RSPH6A: variants seen among roughly 807,000 people sequenced by gnomAD.
RSPH6A encodes radial spoke head 6 homolog A, also known as radial spoke head protein 6 homolog A.
Under a neutral mutation model 66.1 loss-of-function variants are expected in RSPH6A, and 49 were observed. The ratio of observed to expected loss-of-function variants is 0.74; its 90% CI spans 0.59 to 0.94. The LOEUF (loss-of-function observed/expected upper bound fraction) is 0.94, where lower values mean the gene tolerates loss of function less well. RSPH6A is among the 40% of genes least tolerant of loss of function. The probability of loss-of-function intolerance (pLI) is 0.00; values close to 1 mark genes in which losing one functional copy is unlikely to be tolerated. For missense variants in RSPH6A, 977 were observed against 948.3 expected, an observed-to-expected ratio of 1.03 and a Z score of -0.40; for synonymous variants, 419 against 402.4, an observed-to-expected ratio of 1.04 and a Z score of -0.49.
intron 2 of RSPH6A, among the ~76,000 whole-genome samples, chr19:45,808,253 C>T (rs1310806484): frequency 6.6e-6 from 1 of 152,188 alleles, no homozygotes; most frequent in Non-Finnish European, 1.5e-5. Context: ...GTGGCAAAAT[C>T]CTGTCTCTAC....
Position 45,815,238 on chromosome 19 carries a change from G to A in RSPH6A, c.-62C>T, listed in dbSNP as rs1415479753. ...TTGCAGACAAGGAGGCCAAGCGAGAGCCACCTGTCGACACCGCCGGTTTCT... is the reference window on the plus strand; with the variant it reads ...TTGCAGACAAGGAGGCCAAGCGAGAACCACCTGTCGACACCGCCGGTTTCT... On this transcript the variant is annotated 5_prime_UTR_variant, in exon 1 of 6. Transcript: ENST00000221538. 26 of 1,450,324 alleles carry A rather than the reference G, an allele frequency of 1.8e-5. No homozygotes were observed. The highest frequency in any genetic ancestry group is 9.1e-6 in the Non-Finnish European group (10 of 1,099,944). The allele number at this position is 1,450,324 out of a possible 1,614,324, so 89.8% of individuals were successfully genotyped here.
At chr19:45,801,105 C>T (rs1456392600) in intron 4 of RSPH6A, among the ~76,000 whole-genome samples, 1 of 152,164 alleles carries the variant, frequency 6.6e-6, no homozygotes, top group African/African-American at 2.4e-5. Flanking sequence ...GCCTGGACCA[C>T]TCTTTCTCTA....
In RSPH6A at chr19:45,796,059, T is replaced by A. The variant is rs372396438; in HGVS notation, c.1964A>T (p.Glu655Val). 4 of 1,611,464 alleles carry A rather than the reference T, an allele frequency of 2.5e-6. No homozygotes were observed. The highest frequency in any genetic ancestry group is 3.4e-6 in the Non-Finnish European group (4 of 1,178,216). Residue 655 changes from glutamate to valine, a missense_variant, in exon 6 of 6, where the codon GAG (glutamate) becomes GTG (valine). Coordinates refer to ENST00000221538, the MANE Select transcript of RSPH6A (RefSeq NM_030785.4). ...GGCTGGCAGGGCCGGGTTGAAGCTC[T>A]CGGGGCTGTACTTGTGACCCCAGCC... ...YIGWGHKYSPESFNPALPAPI... is the reference protein window; with the variant it reads ...YIGWGHKYSPVSFNPALPAPI...
chr19:45,808,638 G>A (rs991829831), intron 2 of RSPH6A, among the ~76,000 whole-genome samples: 1 of 148,484 alleles, frequency 6.7e-6, no homozygotes, highest in African/African-American at 2.5e-5. Context: ...TTATAGATGT[G>A]AGAATAGTCA....
chr19:45,799,195 A>C (rs912758700), intron 5 of RSPH6A, among the ~76,000 whole-genome samples: 2 of 152,194 alleles, frequency 1.3e-5, no homozygotes, highest in Non-Finnish European at 2.9e-5. Flanking sequence ...TCTAGGAAAA[A>C]TCATCATGCC....
chr19:45,804,947 AGCTCAG>A lies in RSPH6A; in HGVS notation c.952_957del (p.Leu318_Ser319del), dbSNP rs1219902726. ...AGGAAAATGCGGAAGCTCTCGTCCGAGCTCAGGCCGACGCCGGCCTGCTCGAAGTAG... is the reference window on the plus strand; with the variant it reads ...AGGAAAATGCGGAAGCTCTCGTCCGAGCCGACGCCGGCCTGCTCGAAGTAG... On this transcript the variant is annotated inframe_deletion, in exon 3 of 6. Coordinates refer to ENST00000221538, the MANE Select transcript of RSPH6A (RefSeq NM_030785.4). The surrounding 1 kb of genome is among the most constrained non-coding windows in gnomAD (Gnocchi z 5.8). The A allele has an allele frequency of 1.9e-6, 3 of 1,614,096 alleles. No homozygotes were observed. The highest frequency in any genetic ancestry group is 2.5e-6 in the Non-Finnish European group (3 of 1,180,032).
At chr19:45,806,715 C>T (rs750187101) in intron 2 of RSPH6A, among the ~76,000 whole-genome samples, 3 of 133,354 alleles carry the variant, frequency 2.2e-5, no homozygotes, top group South Asian at 2.4e-4. Flanking sequence ...AAAAGGAGGC[C>T]GGCCAAGTTT....
At chr19:45,806,291 G>T (rs1335635713) in intron 2 of RSPH6A, among the ~76,000 whole-genome samples, 1 of 151,842 alleles carries the variant, frequency 6.6e-6, no homozygotes, top group Non-Finnish European at 1.5e-5. Flanking sequence ...GGAGGAGGAG[G>T]AAAAAGAGGA....
chr19:45,810,979 CATTT>C (rs369495082), intron 1 of RSPH6A, 139 bp from the exon 2 acceptor site: 6 of 524,932 alleles, frequency 1.1e-5, no homozygotes, highest in South Asian at 3.6e-5. Flanking sequence ...GTGTAGCTGA[CATTT>C]ATTTATTTAT....
rs1333052896 is a variant in RSPH6A, at chr19:45,804,068, C to T, written c.1653+184G>A. Among the ~76,000 whole-genome samples the T allele has an allele frequency of 6.6e-6, 1 of 151,910 alleles. No individual in the cohort carries two copies. Among genetic ancestry groups the T allele is most frequent in the Non-Finnish European group, 1.5e-5 (1 of 67,932 alleles). ...AGAAAGAAAAGAAAAAAAAATGCCT[C>T]TGTCCCCAAAGGTTTCTGATGGGAT... On this transcript the variant is annotated intron_variant, in intron 3 of 5. Transcript: ENST00000221538. The surrounding 1 kb of genome is among the most constrained non-coding windows in gnomAD (Gnocchi z 5.8).
chr19:45,814,899 C>G lies in RSPH6A; in HGVS notation c.278G>C (p.Gly93Ala). The G allele has an allele frequency of 6.2e-7, 1 of 1,614,144 alleles. No individual in the cohort carries two copies. The highest frequency in any genetic ancestry group is 1.7e-5 in the Admixed American group (1 of 60,022). Residue 93 changes from glycine to alanine, a missense_variant, in exon 1 of 6, where the codon GGC (glycine) becomes GCC (alanine). Gly to Ala is a moderately conservative substitution (Grantham distance 60). Transcript: ENST00000221538. ...CTGAGGCTGGAACTCTGAGGGAAAGCCCGTGTTCACAGATGGGTACTCCAT... is the reference window on the plus strand; with the variant it reads ...CTGAGGCTGGAACTCTGAGGGAAAGGCCGTGTTCACAGATGGGTACTCCAT... ...GGMEYPSVNTGFPSEFQPQPY... is the reference protein window; with the variant it reads ...GGMEYPSVNTAFPSEFQPQPY...
chr19:45,810,556 G>A, intron 2 of RSPH6A, 47 bp downstream of exon 2: 1 of 1,558,192 alleles, frequency 6.4e-7, no homozygotes, highest in African/African-American at 1.4e-5. Context: ...AGTATGCTTG[G>A]GCCCCCACTG....
In RSPH6A at chr19:45,814,906, T is replaced by C; in HGVS notation, c.271A>G (p.Asn91Asp). 6.2e-7 allele frequency: 1 copy of C among 1,614,132 alleles called. No homozygotes were observed. The highest frequency in any genetic ancestry group is 1.1e-5 in the South Asian group (1 of 91,080). Reference protein sequence around the residue: ...RLGGMEYPSVNTGFPSEFQPQ... With the variant: ...RLGGMEYPSVDTGFPSEFQPQ... ...TGGAACTCTGAGGGAAAGCCCGTGT[T>C]CACAGATGGGTACTCCATGCCACCC... Residue 91 changes from asparagine to aspartate, a missense_variant, in exon 1 of 6, where the codon AAC (asparagine) becomes GAC (aspartate). Physicochemically the swap from Asn to Asp is conservative, Grantham distance 23. Transcript: ENST00000221538.
Position 45,800,471 on chromosome 19 carries a change from C to T in RSPH6A, c.1891G>A (p.Gly631Arg), listed in dbSNP as rs762469971. 8 of 1,612,756 alleles carry T rather than the reference C, an allele frequency of 5.0e-6. No individual in the cohort carries two copies. The highest frequency in any genetic ancestry group is 1.6e-4 in the Middle Eastern group (1 of 6,078). Residue 631 changes from glycine to arginine, a missense_variant, in exon 5 of 6, where the codon GGG becomes AGG. Physicochemically the swap from Gly to Arg is moderately radical, Grantham distance 125 (BLOSUM62 -2). Coordinates refer to ENST00000221538, the MANE Select transcript of RSPH6A (RefSeq NM_030785.4). Reference protein sequence around the residue: ...VAVVRSNLWPGAYAYASGKKF... With the variant: ...VAVVRSNLWPRAYAYASGKKF... ...TTGCCACTGGCATAGGCATAGGCCC[C>T]GGGCCAGAGGTTGGAGCGCACAACG... is the stretch of plus-strand genomic sequence containing the variant.
chr19:45,808,632 A>G (rs1970578181), intron 2 of RSPH6A, among the ~76,000 whole-genome samples: 1 of 150,776 alleles, frequency 6.6e-6, no homozygotes, highest in Non-Finnish European at 1.5e-5. Context: ...ATAAAATTAT[A>G]GATGTGAGAA....
intron 1 of RSPH6A, among the ~76,000 whole-genome samples, chr19:45,811,374 G>A (rs1970625739): frequency 6.6e-6 from 1 of 151,944 alleles, no homozygotes; most frequent in Non-Finnish European, 1.5e-5. Flanking sequence ...AATTTTTAGG[G>A]TGACACATAT....
At chr19:45,812,857 GCTAA>G (rs1231891434) in intron 1 of RSPH6A, among the ~76,000 whole-genome samples, 1 of 152,000 alleles carries the variant, frequency 6.6e-6, no homozygotes, top group Non-Finnish European at 1.5e-5. Flanking sequence ...ACCACGCCTG[GCTAA>G]CTTTTTGTAT....
Position 45,804,002 on chromosome 19 carries a change from A to AAAAAG in RSPH6A, c.1653+245_1653+249dup, listed in dbSNP as rs1243355398. ...GAGCGAGACTCTGTCTCAAAAAAAAAAAAAGAAAAGAAAAGAAAAGAAAAA... is the reference window on the plus strand; with the variant it reads ...GAGCGAGACTCTGTCTCAAAAAAAAAAAAAGAAAAGAAAAGAAAAGAAAAGAAAAA... On this transcript the variant is annotated intron_variant, in intron 3 of 5. Coordinates refer to ENST00000221538, the MANE Select transcript of RSPH6A (RefSeq NM_030785.4). The surrounding 1 kb of genome is among the most constrained non-coding windows in gnomAD (Gnocchi z 5.8). 2.6e-5 allele frequency among the ~76,000 whole-genome samples: 4 copies of AAAAAG among 151,540 alleles called. No individual in the cohort carries two copies. The highest frequency in any genetic ancestry group is 6.6e-5 in the Admixed American group (1 of 15,194).
chr19:45,807,637 A>T (rs56096557), intron 2 of RSPH6A, among the ~76,000 whole-genome samples: 1 of 151,982 alleles, frequency 6.6e-6, no homozygotes, highest in Non-Finnish European at 1.5e-5. Context: ...CAGCCTCCTG[A>T]GTAGTCGGGA....
Sources: gnomAD v4.1 joint callset for allele counts (sites outside exome capture counted in the v4.1 genomes callset) on GRCh38, gnomAD v4.1.1 for gene constraint, Gnocchi (gnomAD v3.1) non-coding constraint, MANE v1.5 for transcripts, NCBI Gene and HGNC (gene_info 2026-07-23, HGNC 2026-07-21) for gene names.